The following BMPR1A variants were observed in gnomAD, a reference collection of about 807,000 sequenced individuals.
The protein encoded by BMPR1A is bone morphogenetic protein receptor type-1A.
A neutral mutation model predicts 66.0 loss-of-function variants in BMPR1A; 7 were observed. The ratio of observed to expected loss-of-function variants is 0.11; its 90% CI spans 0.06 to 0.20. The LOEUF (loss-of-function observed/expected upper bound fraction) is 0.20, where lower values mean the gene tolerates loss of function less well. Ranked by LOEUF, BMPR1A falls within the 10% of genes least tolerant of loss-of-function variation. The pLI is 1.00. For missense variants in BMPR1A, 408 were observed against 669.1 expected (o/e 0.61, Z 4.31); for synonymous variants, 200 against 229.7 (o/e 0.87, Z 1.17).
At chr10:86,801,029 T>C (rs2132861453) in intron 1 of BMPR1A, among the ~76,000 whole-genome samples, 1 of 152,356 alleles carries the variant, frequency 6.6e-6, no homozygotes, top group South Asian at 2.1e-4. Flanking sequence ...TATGAGCTTA[T>C]CTGGAAATAT....
intron 2 of BMPR1A, among the ~76,000 whole-genome samples, chr10:86,862,461 C>G (rs537735053): frequency 1.6e-4 from 24 of 152,024 alleles, no homozygotes; most frequent in African/African-American, 5.6e-4. Flanking sequence ...GTTGGAGCAC[C>G]GTTGGAGGGA....
At chr10:86,917,039 T>TA in intron 8 of BMPR1A, 95 bp from the exon 9 acceptor site, 5 of 1,362,130 alleles carry the variant, frequency 3.7e-6, no homozygotes, top group Non-Finnish European at 5.2e-6. Flanking sequence ...GTTGGTTGGG[T>TA]ACACCATGCT....
chr10:86,884,147 C>T (rs939053508), intron 3 of BMPR1A, among the ~76,000 whole-genome samples: 28 of 151,900 alleles, frequency 1.8e-4, no homozygotes, highest in African/African-American at 6.8e-4. Context: ...GGGTTACAGG[C>T]CTGAACCACC....
At chr10:86,817,028 C>T (rs1842044407) in intron 1 of BMPR1A, among the ~76,000 whole-genome samples, 3 of 152,172 alleles carry the variant, frequency 2.0e-5, no homozygotes, top group African/African-American at 7.2e-5. Flanking sequence ...AGCTCTTCTC[C>T]AGCCATCCCC....
At chr10:86,797,247 T>TTTTTTTTTTTTTTTTTTTTTG (rs1372738374) in intron 1 of BMPR1A, among the ~76,000 whole-genome samples, 4 of 124,928 alleles carry the variant, frequency 3.2e-5, no homozygotes, top group Non-Finnish European at 3.4e-5. Context: ...TTTTTTTTTT[T>TTTTTTTTTTTTTTTTTTTTTG]TGAGACGGAG....
chr10:86,824,515 G>A (rs914722035), intron 1 of BMPR1A, among the ~76,000 whole-genome samples: 11 of 152,090 alleles, frequency 7.2e-5, no homozygotes, highest in Non-Finnish European at 1.3e-4. Flanking sequence ...ATCCACCCAC[G>A]GACATGGAGC....
intron 1 of BMPR1A, among the ~76,000 whole-genome samples, chr10:86,770,689 A>G (rs539529976): frequency 2.0e-5 from 3 of 152,292 alleles, no homozygotes; most frequent in Admixed American, 1.3e-4. Flanking sequence ...TCTGAATTTG[A>G]AGAGAAAGGA....
chr10:86,853,320 C>A (rs1402070270), intron 2 of BMPR1A, among the ~76,000 whole-genome samples: 2 of 151,144 alleles, frequency 1.3e-5, no homozygotes, highest in Admixed American at 1.3e-4. Flanking sequence ...CAGGCCTCTT[C>A]AGAGACTTCA....
intron 3 of BMPR1A, among the ~76,000 whole-genome samples, chr10:86,886,631 G>A (rs1843070484): frequency 6.6e-6 from 1 of 152,104 alleles, no homozygotes; most frequent in Non-Finnish European, 1.5e-5. Flanking sequence ...CAGAGTGGGC[G>A]CTGTCCCCTA....
rs1842467913 is a variant in BMPR1A at position 86,845,248 on chromosome 10, T to A, written c.-153+6269T>A. Reference sequence around the variant, plus strand: ...GGGAAAAGTGAGACAGAGAAGGGAGTGAAGTTTCATTAAGTGGGTGATCCA... The same window carrying A: ...GGGAAAAGTGAGACAGAGAAGGGAGAGAAGTTTCATTAAGTGGGTGATCCA... On this transcript the variant is annotated intron_variant, in intron 2 of 12. Transcript: ENST00000372037. Among the ~76,000 whole-genome samples the A allele has an allele frequency of 7.3e-5, 11 of 151,692 alleles. No individual in the cohort carries two copies. In the South Asian group the frequency reaches 2.1e-3, roughly 29 times the overall value.
intron 2 of BMPR1A, among the ~76,000 whole-genome samples, chr10:86,857,751 CAAAAAAA>C (rs1207331757): frequency 1.1e-5 from 1 of 87,080 alleles, no homozygotes; most frequent in Non-Finnish European, 2.5e-5. Flanking sequence ...TCTAGTGATC[CAAAAAAA>C]AAAAAAAAAC....
chr10:86,838,844 GT>G lies in BMPR1A; in HGVS notation c.-267-19del, dbSNP rs1231134447. ...ACAAAGTTCCCTAAGTCTTAAATAAGTTCTTTTTTTTTCTAAACAGACTTAT... is the reference window on the plus strand; with the variant it reads ...ACAAAGTTCCCTAAGTCTTAAATAAGTCTTTTTTTTTCTAAACAGACTTAT... On this transcript the variant is annotated intron_variant, in intron 1 of 12. Transcript: ENST00000372037. 1.3e-5 allele frequency: 2 copies of G among 151,904 alleles called. No individual in the cohort carries two copies. The highest frequency in any genetic ancestry group is 2.9e-5 in the Non-Finnish European group (2 of 67,998). 9.4% of individuals were successfully genotyped at this position (151,904 alleles called of 1,614,324 possible). A position where few individuals can be genotyped will look rare whatever the true frequency, so the allele number is the denominator to read the frequency against.
At chr10:86,903,629 T>A (rs574583396) in intron 7 of BMPR1A, among the ~76,000 whole-genome samples, 10 of 149,056 alleles carry the variant, frequency 6.7e-5, no homozygotes, top group African/African-American at 2.6e-4. Flanking sequence ...TTATTTATTT[T>A]GAGACAGAGT....
Position 86,808,512 on chromosome 10 carries a change from T to C in BMPR1A, c.-267-30353T>C, listed in dbSNP as rs117707436. Reference sequence around the variant, plus strand: ...TTTGGTCCATTCAACTTATTTCATGTAACGTCAATTCACCGAAAGAGTTAA... The same window carrying C: ...TTTGGTCCATTCAACTTATTTCATGCAACGTCAATTCACCGAAAGAGTTAA... On this transcript the variant is annotated intron_variant, in intron 1 of 12. Transcript: ENST00000372037. 4.5e-4 allele frequency among the ~76,000 whole-genome samples: 69 copies of C among 152,352 alleles called. No homozygotes were observed. The East Asian group carries it at 9.4e-3, about 21-fold the overall frequency.
chr10:86,844,358 G>A (rs1394486758), intron 2 of BMPR1A, among the ~76,000 whole-genome samples: 1 of 152,158 alleles, frequency 6.6e-6, no homozygotes, highest in African/African-American at 2.4e-5. Context: ...ATTTCTACAG[G>A]TATAATTCAG....
Position 86,923,754 on chromosome 10 carries a change from A to C in BMPR1A, c.*35A>C, listed in dbSNP as rs1213852775. 1 of 1,611,276 alleles carries C rather than the reference A, an allele frequency of 6.2e-7. No individual in the cohort carries two copies. Among genetic ancestry groups the C allele is most frequent in the Non-Finnish European group, 8.5e-7 (1 of 1,179,130 alleles). On this transcript the variant is annotated 3_prime_UTR_variant, in exon 13 of 13. Coordinates refer to ENST00000372037, the MANE Select transcript of BMPR1A (RefSeq NM_004329.3). ...CATCGGAGGAGAAACTCTAGACTGC[A>C]AGAACTGTTTTTACCCATGGCATGG...
intron 1 of BMPR1A, among the ~76,000 whole-genome samples, chr10:86,793,299 G>A (rs1841657817): frequency 6.6e-6 from 1 of 151,706 alleles, no homozygotes; most frequent in South Asian, 2.1e-4. Context: ...ATAGGGAAGG[G>A]TACCTGTATT....
intron 1 of BMPR1A, among the ~76,000 whole-genome samples, chr10:86,789,705 C>T (rs1841572044): frequency 7.0e-6 from 1 of 142,224 alleles, no homozygotes; most frequent in African/African-American, 2.5e-5. Context: ...AGAGTGAAAA[C>T]TCTGTCTTAG....
At chr10:86,819,121 A>G (rs1564694413) in intron 1 of BMPR1A, among the ~76,000 whole-genome samples, 1 of 151,978 alleles carries the variant, frequency 6.6e-6, no homozygotes, top group Non-Finnish European at 1.5e-5. Context: ...TATTTCCGTG[A>G]CTGTATCCTC....
Sources: allele counts gnomAD v4.1 joint callset (sites outside exome capture counted in the v4.1 genomes callset), GRCh38; gene constraint gnomAD v4.1.1; transcripts MANE v1.5; gene names NCBI Gene and HGNC (gene_info 2026-07-23, HGNC 2026-07-21).